TEC: variants seen among roughly 807,000 people sequenced by gnomAD.
TEC encodes tyrosine-protein kinase Tec.
In TEC, 72 loss-of-function variants were observed where a neutral mutation model predicts 93.0. The ratio of observed to expected loss-of-function variants is 0.77; its 90% CI spans 0.64 to 0.94. TEC has a LOEUF of 0.94. Ranked by LOEUF, TEC falls within the 40% of genes least tolerant of loss-of-function variation. The pLI is 0.00. For missense variants in TEC, 630 were observed against 757.9 expected (o/e 0.83, Z 1.98); for synonymous variants, 249 against 247.7 (o/e 1.01, Z -0.05).
At chr4:48,201,893 A>G (rs1722522674) in intron 2 of TEC, among the ~76,000 whole-genome samples, 1 of 152,130 alleles carries the variant, frequency 6.6e-6, no homozygotes, top group African/African-American at 2.4e-5. Flanking sequence ...TCAGCTCACA[A>G]AGGCAGGGAG....
At chr4:48,173,278 G>T (rs1402900572) in intron 3 of TEC, among the ~76,000 whole-genome samples, 2 of 152,056 alleles carry the variant, frequency 1.3e-5, no homozygotes, top group African/African-American at 4.8e-5. Flanking sequence ...CTTAAAGTTT[G>T]TTAGACTAGC....
rs1560420813 is a variant in TEC at position 48,235,906 on chromosome 4, A to G, written c.-45-7247T>C. Among the ~76,000 whole-genome samples the G allele has an allele frequency of 5.3e-5, 8 of 152,360 alleles. No individual in the cohort carries two copies. The South Asian group carries it at 1.4e-3, about 28-fold the overall frequency. On this transcript the variant is annotated intron_variant, in intron 1 of 17. Transcript: ENST00000381501. Reference sequence around the variant, plus strand: ...TCTACACTTTACACATCACAAGGTAAGAATAAGAGCCAGGTTTTAATTTAG... The same window carrying G: ...TCTACACTTTACACATCACAAGGTAGGAATAAGAGCCAGGTTTTAATTTAG...
intron 4 of TEC, 113 bp downstream of exon 4, chr4:48,171,255 G>T: frequency 1.3e-6 from 1 of 795,938 alleles, no homozygotes; most frequent in Non-Finnish European, 1.9e-6. Flanking sequence ...AACACTTACT[G>T]TAGATTAAGA....
chr4:48,160,737 AAAAGAAAGAAAG>A (rs200782202), intron 8 of TEC, among the ~76,000 whole-genome samples: 8 of 131,428 alleles, frequency 6.1e-5, no homozygotes, highest in Admixed American at 1.7e-4. Context: ...CAGAAAAAAA[AAAAGAAAGAAAG>A]AAAGAAAGAA....
intron 2 of TEC, among the ~76,000 whole-genome samples, chr4:48,224,597 T>G (rs892966857): frequency 6.6e-6 from 1 of 152,214 alleles, no homozygotes; most frequent in Non-Finnish European, 1.5e-5. Flanking sequence ...GGAAGATCTT[T>G]TTTCAGTTCA....
chr4:48,143,911 G>A (rs541381408), intron 14 of TEC, among the ~76,000 whole-genome samples: 1 of 152,300 alleles, frequency 6.6e-6, no homozygotes, highest in South Asian at 2.1e-4. Context: ...GTCTGTCTAA[G>A]GTGACTGTTA....
chr4:48,256,594 CAAAA>C (rs34792955), intron 1 of TEC, among the ~76,000 whole-genome samples: 41 of 61,670 alleles, frequency 6.6e-4, no homozygotes, highest in African/African-American at 2.2e-3. Context: ...GACCTTGTCT[CAAAA>C]AAAAAAAAAA....
intron 2 of TEC, among the ~76,000 whole-genome samples, chr4:48,186,568 GC>G (rs1472540940): frequency 6.6e-6 from 1 of 150,632 alleles, no homozygotes; most frequent in South Asian, 2.1e-4. Flanking sequence ...GAGGTGAGGA[GC>G]GTCTCCGCCC....
rs762873576 is a variant in TEC at position 48,145,086 on chromosome 4, CTG to C, written c.1461_1462del (p.His487GlnfsTer12). 6.2e-7 allele frequency: 1 copy of C among 1,613,918 alleles called. No individual in the cohort carries two copies. The highest frequency in any genetic ancestry group is 1.1e-5 in the South Asian group (1 of 91,072). On this transcript the variant is annotated frameshift_variant, in exon 14 of 18. Transcript: ENST00000381501. LOFTEE classifies it high-confidence loss of function. ...ATGGGTGGCTAGGGTTACCAGATCT[CTG>C]TGGATGAAGCTGTTTCTCTCCAGAT...
At chr4:48,199,451 C>CTTTTTTTTTT (rs1560404992) in intron 2 of TEC, among the ~76,000 whole-genome samples, 1 of 74,294 alleles carries the variant, frequency 1.3e-5, no homozygotes, top group Non-Finnish European at 2.8e-5. Context: ...AAAGGATTTT[C>CTTTTTTTTTT]TTTCTTTTTT....
At chr4:48,232,499 G>T (rs1723676467) in intron 1 of TEC, among the ~76,000 whole-genome samples, 1 of 152,132 alleles carries the variant, frequency 6.6e-6, no homozygotes, top group African/African-American at 2.4e-5. Flanking sequence ...CTACTTACGG[G>T]CTTTCCCTAT....
chr4:48,254,442 G>T (rs1397735220), intron 1 of TEC, among the ~76,000 whole-genome samples: 5 of 152,236 alleles, frequency 3.3e-5, no homozygotes, highest in Admixed American at 3.3e-4. Context: ...TGGTGTGGGA[G>T]AGTTGATTCA....
In TEC at chr4:48,138,651, CA is replaced by C. The variant is rs775677502; in HGVS notation, c.1812+13del. ...CTAAGAGATTCAAAAAGAAAGCACA[CA>C]AAAAATCTATACCTCCTGCCAACAT... On this transcript the variant is annotated intron_variant, in intron 17 of 17. Transcript: ENST00000381501. 5.4e-5 allele frequency: 85 copies of C among 1,586,916 alleles called. No individual in the cohort carries two copies. Among genetic ancestry groups the C allele is most frequent in the Non-Finnish European group, 6.7e-5 (78 of 1,168,834 alleles).
chr4:48,259,410 TG>T (rs1159906548), intron 1 of TEC, among the ~76,000 whole-genome samples: 2 of 151,998 alleles, frequency 1.3e-5, no homozygotes, highest in Non-Finnish European at 2.9e-5. Flanking sequence ...CATTAGACCA[TG>T]ATATCTAGAA....
intron 2 of TEC, among the ~76,000 whole-genome samples, chr4:48,201,562 A>G (rs1386846244): frequency 6.6e-6 from 1 of 152,222 alleles, no homozygotes; most frequent in African/African-American, 2.4e-5. Flanking sequence ...GGATTTCACA[A>G]GAAGAGATAC....
chr4:48,138,604 A>T, intron 17 of TEC, 61 bp downstream of exon 17: 1 of 1,528,510 alleles, frequency 6.5e-7, no homozygotes, highest in East Asian at 2.3e-5. Context: ...ACTGCATGTT[A>T]TCCATCTACC....
chr4:48,141,683 T>TTA, intron 14 of TEC: 1 of 280,088 alleles, frequency 3.6e-6, no homozygotes, highest in Non-Finnish European at 6.4e-6. Context: ...TTTCTTTTCT[T>TTA]TCTTTTTTTT....
intron 1 of TEC, among the ~76,000 whole-genome samples, chr4:48,251,814 G>A (rs968600364): frequency 1.3e-5 from 2 of 152,186 alleles, no homozygotes; most frequent in Admixed American, 6.5e-5. Context: ...AAAAGGGGAG[G>A]AGGAGTAATT....
chr4:48,250,055 T>TC (rs986114725), intron 1 of TEC, among the ~76,000 whole-genome samples: 12 of 152,310 alleles, frequency 7.9e-5, no homozygotes, highest in Non-Finnish European at 1.6e-4. Flanking sequence ...TTTGACATTC[T>TC]CCAGAACCTC....
Sources: gnomAD v4.1 joint callset for allele counts (sites outside exome capture counted in the v4.1 genomes callset) on GRCh38, gnomAD v4.1.1 for gene constraint, MANE v1.5 for transcripts, NCBI Gene and HGNC (gene_info 2026-07-23, HGNC 2026-07-21) for gene names.